The following RIT2 variants were observed in gnomAD, a reference collection of about 807,000 sequenced individuals.
RIT2 encodes the protein Ras like without CAAX 2, also known as GTP-binding protein Rit2.
Under a neutral mutation model 23.7 loss-of-function variants are expected in RIT2, and 24 were observed. The observed-to-expected ratio is 1.01, with a 90% CI of 0.73 to 1.43. The LOEUF is 1.43. Among genes scored for constraint, RIT2 ranks in the 40% most tolerant of loss-of-function variants. RIT2 has a pLI of 0.00. For synonymous variants in RIT2, 107 were observed against 91.1 expected (o/e 1.17, Z -0.99); for missense variants, 236 against 266.9 (o/e 0.88, Z 0.81).
intron 1 of RIT2, among the ~76,000 whole-genome samples, chr18:43,077,593 G>A (rs1362639437): frequency 6.6e-6 from 1 of 152,124 alleles, no homozygotes; most frequent in Non-Finnish European, 1.5e-5. Context: ...TCTTGTCCAG[G>A]ATTAAGCACT....
At chr18:42,790,999 T>G (rs1450701157) in intron 4 of RIT2, among the ~76,000 whole-genome samples, 2 of 151,824 alleles carry the variant, frequency 1.3e-5, no homozygotes, top group Admixed American at 6.6e-5. Flanking sequence ...TCCAAGGGAG[T>G]GATGCTCCAC....
intron 1 of RIT2, among the ~76,000 whole-genome samples, chr18:43,062,618 T>C (rs1035588641): frequency 9.9e-5 from 15 of 152,170 alleles, no homozygotes; most frequent in African/African-American, 3.6e-4. Flanking sequence ...ACCGCTAAAT[T>C]GGTGAGCTCC....
chr18:43,038,478 C>CT (rs1374956110), intron 1 of RIT2, among the ~76,000 whole-genome samples: 1 of 151,928 alleles, frequency 6.6e-6, no homozygotes, highest in African/African-American at 2.4e-5. Flanking sequence ...GATTGTTTCC[C>CT]TGCTCTCCAA....
chr18:43,047,935 G>C (rs1293924575), intron 1 of RIT2, among the ~76,000 whole-genome samples: 1 of 152,166 alleles, frequency 6.6e-6, no homozygotes. Context: ...TGGTCAAAGA[G>C]GAGGGCAGCC....
At chr18:43,014,115 G>C (rs562159645) in intron 2 of RIT2, among the ~76,000 whole-genome samples, 1 of 151,760 alleles carries the variant, frequency 6.6e-6, no homozygotes, top group Non-Finnish European at 1.5e-5. Flanking sequence ...GAGTATCAGG[G>C]AACTTATCCT....
chr18:43,026,596 G>GAAAGAAAT (rs1555652897), intron 2 of RIT2, among the ~76,000 whole-genome samples: 44 of 128,342 alleles, frequency 3.4e-4, no homozygotes, highest in African/African-American at 9.8e-4. Context: ...AAGAAAGAAA[G>GAAAGAAAT]AAAGAAAGAA....
intron 4 of RIT2, among the ~76,000 whole-genome samples, chr18:42,769,261 T>C (rs1227879857): frequency 6.6e-6 from 1 of 152,214 alleles, no homozygotes; most frequent in Non-Finnish European, 1.5e-5. Flanking sequence ...TAGGAGCTAA[T>C]ACATTCATTT....
intron 2 of RIT2, among the ~76,000 whole-genome samples, chr18:43,016,711 T>C (rs915568415): frequency 3.9e-5 from 6 of 151,906 alleles, no homozygotes; most frequent in Non-Finnish European, 5.9e-5. Flanking sequence ...AGTCAAATTA[T>C]AGAATATGGA....
At chr18:42,904,551 A>G (rs1908561452) in intron 4 of RIT2, among the ~76,000 whole-genome samples, 2 of 152,162 alleles carry the variant, frequency 1.3e-5, no homozygotes, top group South Asian at 2.1e-4. Context: ...TTATAGTTTA[A>G]CAATGGATGT....
intron 4 of RIT2, chr18:42,920,605 C>A (rs1184145537): frequency 1.3e-6 from 1 of 793,414 alleles, no homozygotes. Context: ...CACTAAAACT[C>A]GTTGTCTTTT....
chr18:42,827,637 A>ATATATTAT (rs1234046126), intron 4 of RIT2, among the ~76,000 whole-genome samples: 1 of 152,180 alleles, frequency 6.6e-6, no homozygotes, highest in East Asian at 1.9e-4. Flanking sequence ...TAAACATAGG[A>ATATATTAT]TATGTATAGG....
chr18:42,997,065 A>G (rs554305220), intron 2 of RIT2, among the ~76,000 whole-genome samples: 1 of 152,116 alleles, frequency 6.6e-6, no homozygotes, highest in Admixed American at 6.6e-5. Flanking sequence ...CTCAGTGGCA[A>G]CAGCCTGTTG....
chr18:42,988,286 C>T (rs1269156774), intron 2 of RIT2, among the ~76,000 whole-genome samples: 2 of 152,172 alleles, frequency 1.3e-5, no homozygotes, highest in East Asian at 3.9e-4. Context: ...TATTCACTTT[C>T]TCTAACTGTT....
chr18:42,817,700 G>A (rs1020470920), intron 4 of RIT2, among the ~76,000 whole-genome samples: 8 of 152,018 alleles, frequency 5.3e-5, no homozygotes, highest in African/African-American at 1.9e-4. Flanking sequence ...ATTTGGGCTT[G>A]AAATTTTGAT....
chr18:42,821,612 A>G (rs1661537316), intron 4 of RIT2, among the ~76,000 whole-genome samples: 1 of 152,084 alleles, frequency 6.6e-6, no homozygotes, highest in South Asian at 2.1e-4. Context: ...GACATCCCGC[A>G]ATGCACAGGT....
intron 4 of RIT2, among the ~76,000 whole-genome samples, chr18:42,809,292 G>A (rs1394214154): frequency 6.6e-6 from 1 of 152,094 alleles, no homozygotes; most frequent in African/African-American, 2.4e-5. Context: ...TCTGTAACTA[G>A]AGAAAGATTT....
At chr18:42,920,649 C>T in intron 4 of RIT2, 2 of 1,271,802 alleles carry the variant, frequency 1.6e-6, no homozygotes, top group Non-Finnish European at 1.1e-6. Context: ...TTAGAAAGGG[C>T]CCTGGGATTT....
At chr18:43,008,456 A>C (rs898008362) in intron 2 of RIT2, among the ~76,000 whole-genome samples, 5 of 151,450 alleles carry the variant, frequency 3.3e-5, no homozygotes, top group African/African-American at 1.2e-4. Context: ...GAGAGAGCAC[A>C]AAGAGAGCTT....
intron 1 of RIT2, among the ~76,000 whole-genome samples, chr18:43,045,606 C>G (rs1468806997): frequency 6.6e-6 from 1 of 152,094 alleles, no homozygotes; most frequent in Non-Finnish European, 1.5e-5. Context: ...GAATCTCTAT[C>G]CTACTTGTAA....
Sources: allele counts gnomAD v4.1 joint callset (sites outside exome capture counted in the v4.1 genomes callset), GRCh38; gene constraint gnomAD v4.1.1; transcripts MANE v1.5; gene names NCBI Gene and HGNC (gene_info 2026-07-23, HGNC 2026-07-21).